RAB5B: variants seen among roughly 807,000 people sequenced by gnomAD.
RAB5B encodes the protein ras-related protein Rab-5B.
Under a neutral mutation model 28.6 loss-of-function variants are expected in RAB5B, and 11 were observed. The ratio of observed to expected loss-of-function variants is 0.38; its 90% CI spans 0.24 to 0.64. The LOEUF (loss-of-function observed/expected upper bound fraction) is 0.64, where lower values mean the gene tolerates loss of function less well. Among genes scored for constraint, RAB5B ranks in the 30% least tolerant of loss-of-function variants. RAB5B has a pLI of 0.53. For synonymous variants in RAB5B, 93 were observed against 97.9 expected (o/e 0.95, Z 0.29); for missense variants, 169 against 265.6 (o/e 0.64, Z 2.53).
chr12:55,985,776 G>C (rs1375703808), intron 1 of RAB5B: 3 of 455,396 alleles, frequency 6.6e-6, no homozygotes, highest in African/African-American at 6.0e-5. Context: ...AGGCCCCTTT[G>C]GTGTGGAGGG....
rs1320725875 is a variant in RAB5B, at chr12:55,992,467, A to C, written c.*255A>C. ...CCCCCCAGGACTTACCTTCCAAAAC[A>C]AACTTTCTTCACTTTGTATTATAGG... On this transcript the variant is annotated 3_prime_UTR_variant, in exon 6 of 6. Transcript: ENST00000360299. The C allele has an allele frequency of 1.5e-6, 1 of 650,204 alleles. No individual in the cohort carries two copies. The highest frequency in any genetic ancestry group is 3.1e-5 in the East Asian group (1 of 32,632). 40.3% of individuals were successfully genotyped at this position (650,204 alleles called of 1,614,324 possible). A position where few individuals can be genotyped will look rare whatever the true frequency, so the allele number is the denominator to read the frequency against.
rs1349713830 is a variant in RAB5B, at chr12:55,996,316, G to C, written c.*4104G>C. On this transcript the variant is annotated 3_prime_UTR_variant, in exon 6 of 6. Transcript: ENST00000360299. ...TCCGGCCTCTAGAGGGCAGTGTATGGATACATTTGTCCAGATTGGGGGACT... is the reference window on the plus strand; with the variant it reads ...TCCGGCCTCTAGAGGGCAGTGTATGCATACATTTGTCCAGATTGGGGGACT... 1 of 152,138 alleles carries C rather than the reference G, an allele frequency of 6.6e-6. No individual in the cohort carries two copies. The highest frequency in any genetic ancestry group is 1.5e-5 in the Non-Finnish European group (1 of 68,036). The allele number at this position is 152,138 out of a possible 1,614,324, so 9.4% of individuals were successfully genotyped here.
intron 5 of RAB5B, 119 bp from the exon 6 acceptor site, chr12:55,991,978 C>G (rs1401876395): frequency 1.4e-6 from 1 of 703,628 alleles, no homozygotes; most frequent in Non-Finnish European, 2.4e-6. Flanking sequence ...TCAGAACATT[C>G]TTTTAATCTC....
chr12:55,991,999 C>G (rs1386453009), intron 5 of RAB5B, 98 bp from the exon 6 acceptor site: 1 of 815,044 alleles, frequency 1.2e-6, no homozygotes, highest in Admixed American at 2.5e-5. Flanking sequence ...TCAAATTCTC[C>G]CTTTTCCCCA....
intron 1 of RAB5B, among the ~76,000 whole-genome samples, chr12:55,977,747 A>G (rs1889686383): frequency 6.6e-6 from 1 of 152,222 alleles, no homozygotes; most frequent in African/African-American, 2.4e-5. Flanking sequence ...TTTGGGAAAG[A>G]TTTAGCCATT....
chr12:55,984,178 C>A (rs560831191), intron 1 of RAB5B, among the ~76,000 whole-genome samples: 315 of 151,756 alleles, frequency 2.1e-3, no homozygotes, highest in Non-Finnish European at 3.8e-3. Flanking sequence ...CCAACCACAC[C>A]CGGCTAATTT....
At chr12:55,975,687 T>C (rs1282429656) in intron 1 of RAB5B, among the ~76,000 whole-genome samples, 1 of 152,000 alleles carries the variant, frequency 6.6e-6, no homozygotes. Flanking sequence ...TTTAATGGTC[T>C]GCTAGCCTTC....
intron 2 of RAB5B, among the ~76,000 whole-genome samples, chr12:55,987,787 C>T (rs1299475402): frequency 2.0e-5 from 3 of 150,570 alleles, no homozygotes; most frequent in East Asian, 3.9e-4. Flanking sequence ...GCCGAGATTG[C>T]GCCACTGCAC....
At chr12:55,979,974 T>A (rs1387398246) in intron 1 of RAB5B, among the ~76,000 whole-genome samples, 4 of 152,186 alleles carry the variant, frequency 2.6e-5, no homozygotes, top group African/African-American at 4.8e-5. Flanking sequence ...TTATTTATTT[T>A]TTGTGCAAAT....
At chr12:55,987,162 A>G (rs1233487617) in intron 2 of RAB5B, 39 bp downstream of exon 2, 51 of 1,552,590 alleles carry the variant, frequency 3.3e-5, no homozygotes, top group Non-Finnish European at 4.3e-5. Context: ...AATGTTTGGT[A>G]AGGGTTTTTT....
In RAB5B at chr12:55,990,678, C is replaced by T; in HGVS notation, c.316-4C>T. 6.2e-7 allele frequency: 1 copy of T among 1,613,128 alleles called. No individual in the cohort carries two copies. The highest frequency in any genetic ancestry group is 8.5e-7 in the Non-Finnish European group (1 of 1,179,480). ...GCCTACTCATTCTCTTCATGTTTTC[C>T]TAGGAAACCTTTGCCCGAGCAAAGA... On this transcript the variant is annotated splice_polypyrimidine_tract_variant and splice_region_variant and intron_variant, in intron 3 of 5. Transcript: ENST00000360299.
intron 3 of RAB5B, 151 bp downstream of exon 3, chr12:55,990,249 A>G: frequency 1.2e-6 from 1 of 863,614 alleles, no homozygotes; most frequent in Non-Finnish European, 1.7e-6. Flanking sequence ...CTCTACTAAA[A>G]TTACAAAAAT....
chr12:55,979,266 A>G (rs1231877277), intron 1 of RAB5B: 1 of 152,190 alleles, frequency 6.6e-6, no homozygotes, highest in Non-Finnish European at 1.5e-5. Flanking sequence ...GGGAGTTTGT[A>G]CTACCATACT....
In RAB5B at chr12:55,992,337, C is replaced by A; in HGVS notation, c.*125C>A. The stretch of plus-strand genomic sequence containing the variant: ...CTGAGCCCTGGCTCCCAAGGGCTGC[C>A]TCCTGACAGCTCCGTCATGGCACTT... On this transcript the variant is annotated 3_prime_UTR_variant, in exon 6 of 6. Transcript: ENST00000360299. 1.2e-6 allele frequency: 1 copy of A among 807,912 alleles called. No homozygotes were observed. Among genetic ancestry groups the A allele is most frequent in the Non-Finnish European group, 2.0e-6 (1 of 488,054 alleles). 50.0% of individuals were successfully genotyped at this position (807,912 alleles called of 1,614,324 possible). A position where few individuals can be genotyped will look rare whatever the true frequency, so the allele number is the denominator to read the frequency against.
chr12:55,985,768 G>C lies in RAB5B; in HGVS notation c.-92-1101G>C, dbSNP rs1238887321. 3 of 455,792 alleles carry C rather than the reference G, an allele frequency of 6.6e-6. No homozygotes were observed. The Admixed American group carries it at 7.1e-5, about 11-fold the overall frequency. 28.2% of individuals were successfully genotyped at this position (455,792 alleles called of 1,614,324 possible). A position where few individuals can be genotyped will look rare whatever the true frequency, so the allele number is the denominator to read the frequency against. Reference sequence around the variant, plus strand: ...TAATTTGGAGGGCTACAGCTGTTAGGCCCCTTTGGTGTGGAGGGTAATCTA... The same window carrying C: ...TAATTTGGAGGGCTACAGCTGTTAGCCCCCTTTGGTGTGGAGGGTAATCTA... On this transcript the variant is annotated intron_variant, in intron 1 of 5. Transcript: ENST00000360299.
chr12:55,987,365 T>C, intron 2 of RAB5B, among the ~76,000 whole-genome samples: 1 of 151,888 alleles, frequency 6.6e-6, no homozygotes, highest in East Asian at 2.0e-4. Flanking sequence ...TTCACCATCA[T>C]GTTGGCCAGG....
Position 55,992,277 on chromosome 12 carries a change from A to G in RAB5B, c.*65A>G, listed in dbSNP as rs553909257. ...GAGCTAAGAAATAACCTCCATCCCT[A>G]CCCCTCAGCACACAACCCCTACGGT... On this transcript the variant is annotated 3_prime_UTR_variant, in exon 6 of 6. Coordinates refer to ENST00000360299, the MANE Select transcript of RAB5B (RefSeq NM_002868.4). 4 of 1,330,582 alleles carry G rather than the reference A, an allele frequency of 3.0e-6. No individual in the cohort carries two copies. Among genetic ancestry groups the G allele is most frequent in the Non-Finnish European group, 3.2e-6 (3 of 935,370 alleles). The allele number at this position is 1,330,582 out of a possible 1,614,324, so 82.4% of individuals were successfully genotyped here. A position where few individuals can be genotyped will look rare whatever the true frequency, so the allele number is the denominator to read the frequency against.
intron 1 of RAB5B, among the ~76,000 whole-genome samples, chr12:55,982,467 T>C (rs1889836563): frequency 6.6e-6 from 1 of 152,164 alleles, no homozygotes; most frequent in Non-Finnish European, 1.5e-5. Context: ...GGACATATTC[T>C]TTCTTTTTCA....
chr12:55,991,125 T>G, intron 4 of RAB5B: 2 of 546,782 alleles, frequency 3.7e-6, no homozygotes, highest in Non-Finnish European at 3.3e-6. Context: ...CCAACTAACT[T>G]ACCCTCTCCC....
Sources: allele counts gnomAD v4.1 joint callset (sites outside exome capture counted in the v4.1 genomes callset), GRCh38; gene constraint gnomAD v4.1.1; transcripts MANE v1.5; gene names NCBI Gene and HGNC (gene_info 2026-07-23, HGNC 2026-07-21).